Variants in SLC16A10 observed in about 807,000 individuals in gnomAD.
SLC16A10 encodes the protein monocarboxylate transporter 10.
SLC16A10 carries 27 observed loss-of-function variants against 40.0 expected under a neutral mutation model. The observed-to-expected ratio is 0.67, with a 90% CI of 0.50 to 0.93. The LOEUF (loss-of-function observed/expected upper bound fraction) is 0.93. SLC16A10 is among the 40% of genes least tolerant of loss of function. The probability of loss-of-function intolerance (pLI) is 0.00; values close to 1 mark genes in which losing one functional copy is unlikely to be tolerated. For missense variants in SLC16A10, 529 were observed against 658.2 expected, an observed-to-expected ratio of 0.80 and a Z score of 2.15; for synonymous variants, 213 against 249.8, an observed-to-expected ratio of 0.85 and a Z score of 1.39.
rs1770923567 is a variant in SLC16A10 at position 111,222,725 on chromosome 6, G to A, written c.*490G>A. Reference sequence around the variant, plus strand: ...AATACCAGATCTACCTAAACCTCAAGTCTATGTTAAAGTTGCTTTCCTGCT... The same window carrying A: ...AATACCAGATCTACCTAAACCTCAAATCTATGTTAAAGTTGCTTTCCTGCT... On this transcript the variant is annotated 3_prime_UTR_variant, in exon 6 of 6. Coordinates refer to ENST00000368851, the MANE Select transcript of SLC16A10 (RefSeq NM_018593.5). 6.4e-6 allele frequency: 1 copy of A among 155,098 alleles called. No homozygotes were observed. The highest frequency in any genetic ancestry group is 2.4e-5 in the African/African-American group (1 of 41,472). 9.6% of individuals were successfully genotyped at this position (155,098 alleles called of 1,614,324 possible).
At chr6:111,093,302 A>G (rs145531839) in intron 1 of SLC16A10, among the ~76,000 whole-genome samples, 41 of 152,334 alleles carry the variant, frequency 2.7e-4, no homozygotes, top group African/African-American at 9.4e-4. Flanking sequence ...TTCTTTGGCT[A>G]TAATCTTTAA....
At chr6:111,154,618 C>T (rs1310899555) in intron 1 of SLC16A10, among the ~76,000 whole-genome samples, 3 of 152,080 alleles carry the variant, frequency 2.0e-5, no homozygotes, top group African/African-American at 4.8e-5. Flanking sequence ...TGGCATTGGC[C>T]TTATAGTGGA....
At chr6:111,175,526 T>A (rs1231690675) in intron 2 of SLC16A10, among the ~76,000 whole-genome samples, 1 of 152,218 alleles carries the variant, frequency 6.6e-6, no homozygotes, top group Non-Finnish European at 1.5e-5. Context: ...TTTAAAATTG[T>A]TAAATAAAAA....
intron 3 of SLC16A10, among the ~76,000 whole-genome samples, chr6:111,195,862 T>C (rs2114571770): frequency 6.6e-6 from 1 of 152,246 alleles, no homozygotes; most frequent in African/African-American, 2.4e-5. Context: ...CCTACCAGGG[T>C]GTGGTCCTTT....
At chr6:111,161,546 G>A (rs1001166587) in intron 1 of SLC16A10, among the ~76,000 whole-genome samples, 9 of 152,042 alleles carry the variant, frequency 5.9e-5, no homozygotes, top group East Asian at 1.9e-4. Context: ...ACAGGGGTGC[G>A]GGGTGCTGTT....
intron 3 of SLC16A10, among the ~76,000 whole-genome samples, chr6:111,205,994 T>C (rs1773246427): frequency 6.6e-6 from 1 of 152,206 alleles, no homozygotes; most frequent in Admixed American, 6.5e-5. Context: ...CAAATGTCTG[T>C]TCTCTTCCTT....
At chr6:111,142,883 T>C (rs1414235888) in intron 1 of SLC16A10, among the ~76,000 whole-genome samples, 2 of 152,058 alleles carry the variant, frequency 1.3e-5, no homozygotes, top group African/African-American at 2.4e-5. Context: ...CCCAAAGGAG[T>C]TGAAAACTTA....
intron 1 of SLC16A10, among the ~76,000 whole-genome samples, chr6:111,124,261 T>C (rs1372141854): frequency 6.6e-6 from 1 of 152,058 alleles, no homozygotes; most frequent in African/African-American, 2.4e-5. Context: ...ACCAAATTAT[T>C]TGGGGTTCAT....
intron 3 of SLC16A10, among the ~76,000 whole-genome samples, chr6:111,199,742 C>T (rs1200987021): frequency 1.3e-5 from 2 of 150,912 alleles, no homozygotes; most frequent in African/African-American, 4.9e-5. Context: ...TCCTCTAGGA[C>T]ATTTTACTAA....
chr6:111,163,086 C>T (rs1772399105), intron 1 of SLC16A10, among the ~76,000 whole-genome samples: 2 of 150,678 alleles, frequency 1.3e-5, no homozygotes, highest in African/African-American at 4.9e-5. Flanking sequence ...TAATAACAGT[C>T]AAAGCCATGA....
intron 1 of SLC16A10, among the ~76,000 whole-genome samples, chr6:111,097,430 G>A (rs1330060739): frequency 6.6e-6 from 1 of 152,004 alleles, no homozygotes; most frequent in East Asian, 1.9e-4. Flanking sequence ...TCGTGTCCCA[G>A]CCTCCAGAGC....
At chr6:111,145,821 C>T (rs1772067761) in intron 1 of SLC16A10, among the ~76,000 whole-genome samples, 1 of 152,206 alleles carries the variant, frequency 6.6e-6, no homozygotes, top group South Asian at 2.1e-4. Context: ...TGTACTCCAG[C>T]CTGGGTGACA....
intron 1 of SLC16A10, among the ~76,000 whole-genome samples, chr6:111,113,093 T>C (rs764655699): frequency 6.6e-6 from 1 of 152,194 alleles, no homozygotes; most frequent in Admixed American, 6.5e-5. Flanking sequence ...TTTTAAAAGA[T>C]AAAAAGATGC....
Position 111,134,010 on chromosome 6 carries a change from T to A in SLC16A10, c.344-38685T>A, listed in dbSNP as rs182672378. Among the ~76,000 whole-genome samples, 389 of 152,338 alleles carry A rather than the reference T, an allele frequency of 2.6e-3. 2 individuals carry two copies. Among genetic ancestry groups the A allele is most frequent in the African/African-American group, 8.9e-3 (368 of 41,570 alleles). ...CTGACATGGAGAGATATAATATTAC[T>A]GCTAAATCAGACGCTAACCTCAAAT... On this transcript the variant is annotated intron_variant, in intron 1 of 5. Coordinates refer to ENST00000368851, the MANE Select transcript of SLC16A10 (RefSeq NM_018593.5).
At chr6:111,131,578 CG>C (rs1403914289) in intron 1 of SLC16A10, among the ~76,000 whole-genome samples, 1 of 152,116 alleles carries the variant, frequency 6.6e-6, no homozygotes, top group Non-Finnish European at 1.5e-5. Flanking sequence ...AGGAAAATAC[CG>C]GGCACCTGTC....
chr6:111,122,070 A>C (rs1419336757), intron 1 of SLC16A10, among the ~76,000 whole-genome samples: 1 of 152,064 alleles, frequency 6.6e-6, no homozygotes, highest in Non-Finnish European at 1.5e-5. Flanking sequence ...GAGGAAACCC[A>C]TGTTCTGCTG....
chr6:111,114,142 A>G (rs1212206671), intron 1 of SLC16A10, among the ~76,000 whole-genome samples: 1 of 152,002 alleles, frequency 6.6e-6, no homozygotes, highest in African/African-American at 2.4e-5. Context: ...TGTTTAAGTC[A>G]AGCATTTGAA....
intron 4 of SLC16A10, among the ~76,000 whole-genome samples, chr6:111,215,616 G>A (rs1773409678): frequency 6.6e-6 from 1 of 152,062 alleles, no homozygotes; most frequent in Non-Finnish European, 1.5e-5. Context: ...AGATTCTCTG[G>A]AGTTTGTGAT....
intron 3 of SLC16A10, among the ~76,000 whole-genome samples, chr6:111,180,282 G>A (rs1453928265): frequency 1.3e-5 from 2 of 152,192 alleles, no homozygotes; most frequent in Non-Finnish European, 2.9e-5. Flanking sequence ...AGTGGCTCAC[G>A]CCTATAATCT....
Sources: gnomAD v4.1 joint callset for allele counts (sites outside exome capture counted in the v4.1 genomes callset) on GRCh38, gnomAD v4.1.1 for gene constraint, MANE v1.5 for transcripts, NCBI Gene and HGNC (gene_info 2026-07-23, HGNC 2026-07-21) for gene names.